Variants in RUNDC3B observed in about 807,000 individuals in gnomAD.
RUNDC3B encodes the protein RUN domain-containing protein 3B.
Under a neutral mutation model 58.4 loss-of-function variants are expected in RUNDC3B, and 33 were observed. The observed-to-expected ratio is 0.56, with a 90% confidence interval of 0.43 to 0.75. The LOEUF is 0.75. Ranked by LOEUF, RUNDC3B falls within the 30% of genes least tolerant of loss-of-function variation. RUNDC3B has a pLI of 0.00. For synonymous variants in RUNDC3B, 193 were observed against 195.2 expected (o/e 0.99, Z 0.10); for missense variants, 501 against 535.7 (o/e 0.94, Z 0.64).
At chr7:87,757,100 TAGTC>T (rs1019839911) in intron 6 of RUNDC3B, among the ~76,000 whole-genome samples, 26 of 152,124 alleles carry the variant, frequency 1.7e-4, no homozygotes, top group Non-Finnish European at 3.8e-4. Flanking sequence ...AAAGCAAACA[TAGTC>T]AGCACCGTGA....
intron 8 of RUNDC3B, among the ~76,000 whole-genome samples, chr7:87,788,226 C>G (rs567458165): frequency 1.3e-5 from 2 of 152,224 alleles, no homozygotes; most frequent in South Asian, 4.1e-4. Flanking sequence ...AGTTCAAGAC[C>G]AGCCTGGAAA....
intron 7 of RUNDC3B, among the ~76,000 whole-genome samples, chr7:87,772,657 A>C (rs1053783790): frequency 3.3e-5 from 5 of 152,192 alleles, no homozygotes; most frequent in African/African-American, 1.2e-4. Flanking sequence ...GTAGAGGGAA[A>C]GAAAAGAAAT....
rs1384139410 is a variant in RUNDC3B at position 87,741,540 on chromosome 7, C to A, written c.590C>A (p.Ala197Asp). 1.9e-6 allele frequency: 3 copies of A among 1,587,660 alleles called. No homozygotes were observed. Among genetic ancestry groups the A allele is most frequent in the Non-Finnish European group, 2.6e-6 (3 of 1,161,290 alleles). The change falls in exon 6 of 11, where the codon GCT (alanine) becomes GAT (aspartate). Residue 197 changes from alanine to aspartate, a missense_variant. Transcript: ENST00000394654. ...GAGGGGCTGGATGGCAGTTTTCCTGCTGTAATAGACTATACACCATATTTG... is the reference window on the plus strand; with the variant it reads ...GAGGGGCTGGATGGCAGTTTTCCTGATGTAATAGACTATACACCATATTTG... ...KGEGLDGSFP[A>D]VIDYTPYLKY...
chr7:87,705,318 T>C (rs113686434), intron 3 of RUNDC3B, among the ~76,000 whole-genome samples: 21,667 of 151,914 alleles, frequency 0.14, 2,447 homozygotes, highest in African/African-American at 0.31. Context: ...CCCAGCTACT[T>C]GGGAGGCTGA....
At chr7:87,691,244 T>G (rs1269007519) in intron 2 of RUNDC3B, among the ~76,000 whole-genome samples, 1 of 152,194 alleles carries the variant, frequency 6.6e-6, no homozygotes, top group East Asian at 1.9e-4. Context: ...TTATTTGATA[T>G]TGAAAAGTAC....
chr7:87,739,770 T>G (rs770747152), intron 4 of RUNDC3B, 21 bp from the exon 5 acceptor site: 2 of 1,165,720 alleles, frequency 1.7e-6, no homozygotes, highest in South Asian at 2.7e-5. Flanking sequence ...ATTTTATATA[T>G]TCACCCATTT....
At chr7:87,748,601 C>T (rs1832785074) in intron 6 of RUNDC3B, among the ~76,000 whole-genome samples, 1 of 152,140 alleles carries the variant, frequency 6.6e-6, no homozygotes, top group Admixed American at 6.6e-5. Flanking sequence ...ATATGTCACA[C>T]ATACACACAC....
Position 87,788,060 on chromosome 7 carries a change from T to C in RUNDC3B, c.956+10105T>C, listed in dbSNP as rs116143284. On this transcript the variant is annotated intron_variant, in intron 8 of 10. Transcript: ENST00000394654. ...TTGTAACTGTAATTCTTTTTGTCAG[T>C]CATATGTTTGATGCAATACTAATTT... Among the ~76,000 whole-genome samples, 692 of 152,310 alleles carry C rather than the reference T, an allele frequency of 4.5e-3. 5 individuals are homozygous for C. The highest frequency in any genetic ancestry group is 0.016 in the African/African-American group (659 of 41,556).
chr7:87,791,571 G>A (rs1835523232), intron 8 of RUNDC3B, among the ~76,000 whole-genome samples: 1 of 152,014 alleles, frequency 6.6e-6, no homozygotes, highest in Admixed American at 6.6e-5. Context: ...AAAAGCAGGG[G>A]GATAAAGTTA....
chr7:87,711,822 A>C (rs2130746134), intron 4 of RUNDC3B, among the ~76,000 whole-genome samples: 1 of 152,174 alleles, frequency 6.6e-6, no homozygotes, highest in East Asian at 1.9e-4. Flanking sequence ...TATTGGTCGG[A>C]GCTGCCTGAG....
chr7:87,664,214 T>C (rs961926186), intron 2 of RUNDC3B, among the ~76,000 whole-genome samples: 1 of 152,096 alleles, frequency 6.6e-6, no homozygotes, highest in African/African-American at 2.4e-5. Flanking sequence ...TAGTCCAAGC[T>C]ACCCAGGAAG....
At chr7:87,658,428 G>A (rs1824338570) in intron 2 of RUNDC3B, among the ~76,000 whole-genome samples, 2 of 152,108 alleles carry the variant, frequency 1.3e-5, no homozygotes, top group Non-Finnish European at 2.9e-5. Context: ...GATGACACCT[G>A]TCAGAATTCT....
chr7:87,782,276 C>T (rs1254448101), intron 8 of RUNDC3B, among the ~76,000 whole-genome samples: 1 of 152,124 alleles, frequency 6.6e-6, no homozygotes, highest in Non-Finnish European at 1.5e-5. Context: ...TCGTAATAGT[C>T]TCTGAAGATA....
chr7:87,724,295 G>A (rs1831085737), intron 4 of RUNDC3B, among the ~76,000 whole-genome samples: 1 of 152,106 alleles, frequency 6.6e-6, no homozygotes, highest in African/African-American at 2.4e-5. Flanking sequence ...AGGGAAGCAG[G>A]TTATAAGACC....
At chr7:87,678,125 G>A (rs182705849) in intron 2 of RUNDC3B, among the ~76,000 whole-genome samples, 4 of 152,310 alleles carry the variant, frequency 2.6e-5, no homozygotes, top group Admixed American at 2.6e-4. Context: ...CAGAAACTGT[G>A]AATATCTAAA....
intron 4 of RUNDC3B, among the ~76,000 whole-genome samples, chr7:87,715,519 T>G (rs1830509326): frequency 8.2e-6 from 1 of 122,618 alleles, no homozygotes; most frequent in Non-Finnish European, 1.6e-5. Flanking sequence ...TAATTAATTA[T>G]ATATATAACA....
intron 8 of RUNDC3B, among the ~76,000 whole-genome samples, chr7:87,798,586 C>T (rs1835942565): frequency 6.6e-6 from 1 of 152,164 alleles, no homozygotes; most frequent in African/African-American, 2.4e-5. Flanking sequence ...ATATCTCAAG[C>T]TCATCTTGTA....
intron 2 of RUNDC3B, among the ~76,000 whole-genome samples, chr7:87,697,755 T>C (rs1828620422): frequency 6.6e-6 from 1 of 152,208 alleles, no homozygotes; most frequent in South Asian, 2.1e-4. Context: ...ACAACAGTAC[T>C]ATCCAGTAGG....
intron 4 of RUNDC3B, among the ~76,000 whole-genome samples, chr7:87,734,293 A>G (rs758917940): frequency 6.6e-5 from 10 of 152,218 alleles, no homozygotes; most frequent in Non-Finnish European, 1.5e-4. Context: ...TCCTAGGTGC[A>G]TGTGTGTCTA....
Sources: gnomAD v4.1 joint callset for allele counts (sites outside exome capture counted in the v4.1 genomes callset) on GRCh38, gnomAD v4.1.1 for gene constraint, MANE v1.5 for transcripts, NCBI Gene and HGNC (gene_info 2026-07-23, HGNC 2026-07-21) for gene names.